GBP6: variants seen among roughly 807,000 people sequenced by gnomAD.
GBP6 encodes guanylate-binding protein 6.
A neutral mutation model predicts 61.5 loss-of-function variants in GBP6; 54 were observed. The ratio of observed to expected loss-of-function variants is 0.88; its 90% CI spans 0.71 to 1.10. GBP6 has a LOEUF of 1.10. Ranked by LOEUF, GBP6 falls within the 50% of genes least tolerant of loss-of-function variation. The pLI, the probability that GBP6 is intolerant of heterozygous loss-of-function variation, is 0.00. For missense variants in GBP6, 748 were observed against 752.8 expected (o/e 0.99, Z 0.07); for synonymous variants, 255 against 273.7 (o/e 0.93, Z 0.67).
intron 3 of GBP6, among the ~76,000 whole-genome samples, chr1:89,373,017 C>A (rs1652689750): frequency 6.6e-6 from 1 of 152,212 alleles, no homozygotes; most frequent in Non-Finnish European, 1.5e-5. Flanking sequence ...TATGAACAGA[C>A]ACTTCTCAAA....
At position 89,384,102 on chromosome 1, in the gene GBP6, C is replaced by G. The variant is rs1653066607; in HGVS notation, c.1478C>G (p.Ala493Gly). ...TACCTTCATGGAGCAGTGGATCGGG[C>G]CAAGAAGGAGGCAGCTGAGAAGGAA... The part of the protein sequence containing the change: ...DREKAVAVDR[A>G]KKEAAEKEQE... The change falls in exon 10 of 11, where the codon GCC (alanine) becomes GGC (glycine). Residue 493 changes from alanine to glycine, a missense_variant. Physicochemically the swap from Ala to Gly is moderately conservative, Grantham distance 60. Transcript: ENST00000370456. 6.2e-7 allele frequency: 1 copy of G among 1,610,790 alleles called. No homozygotes were observed. Among genetic ancestry groups the G allele is most frequent in the Non-Finnish European group, 8.5e-7 (1 of 1,178,736 alleles).
rs543651691 is a variant in GBP6, at chr1:89,378,197, C to A, written c.413C>A (p.Ala138Asp). The A allele has an allele frequency of 1.7e-5, 28 of 1,610,570 alleles. No individual in the cohort carries two copies. The highest frequency in any genetic ancestry group is 1.9e-5 in the Non-Finnish European group (22 of 1,179,270). The change falls in exon 4 of 11, where the codon GCC becomes GAC. Residue 138 changes from alanine (A) to aspartate (D), a missense_variant. Physicochemically the swap from Ala to Asp is moderately radical, Grantham distance 126. Coordinates refer to ENST00000370456, the MANE Select transcript of GBP6 (RefSeq NM_198460.3). The stretch of plus-strand genomic sequence containing the variant: ...AGCATGAGCACCATCAACCACCAGG[C>A]CCTGGAGCAGCTGCAGTATCCTTCC... ...YNSMSTINHQALEQLHYVTEL... is the reference protein window; with the variant it reads ...YNSMSTINHQDLEQLHYVTEL...
At chr1:89,373,083 A>G (rs982932667) in intron 3 of GBP6, among the ~76,000 whole-genome samples, 20 of 152,236 alleles carry the variant, frequency 1.3e-4, no homozygotes, top group African/African-American at 4.8e-4. Context: ...ATCACTGGCC[A>G]TCAGAGAAAT....
At chr1:89,380,740 C>T in intron 6 of GBP6, 109 bp downstream of exon 6, 1 of 914,230 alleles carries the variant, frequency 1.1e-6, no homozygotes, top group Non-Finnish European at 1.7e-6. Flanking sequence ...TACGTGTATA[C>T]AGGTATTCAC....
Position 89,383,607 on chromosome 1 carries a change from CATAG to C in GBP6, c.1366-42_1366-39del, listed in dbSNP as rs750503941. Reference sequence around the variant, plus strand: ...GTTCTTGCAACACTAATACCCAGAACATAGATTTTCAAAGAAATCTAAGTGCTTT... The same window carrying C: ...GTTCTTGCAACACTAATACCCAGAACATTTTCAAAGAAATCTAAGTGCTTT... On this transcript the variant is annotated intron_variant, in intron 8 of 10. Transcript: ENST00000370456. The C allele has an allele frequency of 7.4e-6, 10 of 1,350,928 alleles. No individual in the cohort carries two copies. The South Asian group carries it at 1.2e-4, about 16-fold the overall frequency. 83.7% of individuals were successfully genotyped at this position (1,350,928 alleles called of 1,614,324 possible). A position where few individuals can be genotyped will look rare whatever the true frequency, so the allele number is the denominator to read the frequency against.
Position 89,378,420 on chromosome 1 carries a change from T to C in GBP6, c.432T>C (p.Tyr144=). ...CTTTTCCTTACCTAAGTCCTAGTTA[T>C]GTGACGGAGCTCACAGAACTAATTA... The part of the protein sequence containing the change: ...INHQALEQLH[Y]VTELTELIKA... The change falls in exon 5 of 11, where the codon TAT becomes TAC. Residue 144 remains tyrosine (Y), a synonymous_variant. Coordinates refer to ENST00000370456, the MANE Select transcript of GBP6 (RefSeq NM_198460.3). The C allele has an allele frequency of 1.2e-6, 2 of 1,613,034 alleles. No homozygotes were observed. The highest frequency in any genetic ancestry group is 1.1e-5 in the South Asian group (1 of 90,798).
rs1188615279 is a variant in GBP6, at chr1:89,380,501, C to A, written c.741C>A (p.Ala247=). 6.2e-7 allele frequency: 1 copy of A among 1,613,888 alleles called. No individual in the cohort carries two copies. The highest frequency in any genetic ancestry group is 8.5e-7 in the Non-Finnish European group (1 of 1,179,996). The change falls in exon 6 of 11, where the codon GCC becomes GCA. Residue 247 remains alanine (A), a synonymous_variant. Coordinates refer to ENST00000370456, the MANE Select transcript of GBP6 (RefSeq NM_198460.3). ...CAACAAATGACAAAGACCTTCTAGC[C>A]AATATTGAGAAGGTGTCAGAAAAGC... The part of the protein sequence containing the change: ...DRPTNDKDLL[A]NIEKVSEKQL...
chr1:89,372,300 A>AT (rs914966164), intron 3 of GBP6, among the ~76,000 whole-genome samples: 1 of 122,282 alleles, frequency 8.2e-6, no homozygotes, highest in Admixed American at 9.3e-5. Context: ...TCTTCAGAGA[A>AT]TTGGAAAAAC....
At chr1:89,382,936 C>A in intron 8 of GBP6, 60 bp downstream of exon 8, 1 of 1,104,420 alleles carries the variant, frequency 9.1e-7, no homozygotes, top group Non-Finnish European at 1.4e-6. Context: ...GTCTTCAGCA[C>A]CAGCCGTGGG....
At chr1:89,376,121 G>A (rs1163649552) in intron 3 of GBP6, among the ~76,000 whole-genome samples, 1 of 152,152 alleles carries the variant, frequency 6.6e-6, no homozygotes, top group African/African-American at 2.4e-5. Context: ...TGTTGCCAAT[G>A]ACAGGATTTC....
intron 2 of GBP6, 146 bp downstream of exon 2, chr1:89,368,887 C>A: frequency 1.5e-6 from 1 of 657,472 alleles, no homozygotes; most frequent in Non-Finnish European, 2.5e-6. Flanking sequence ...CACCAAACCA[C>A]TACCTTACGA....
At chr1:89,378,259 A>G in intron 4 of GBP6, 47 bp downstream of exon 4, 1 of 1,577,734 alleles carries the variant, frequency 6.3e-7, no homozygotes, top group Non-Finnish European at 8.6e-7. Flanking sequence ...CATTGACTTT[A>G]TAGGAATGGA....
Position 89,387,218 on chromosome 1 carries a change from C to G in GBP6, c.*1749C>G, listed in dbSNP as rs573314875. ...CCTAGGAAACGTCTGGAGCCATTTA[C>G]TAGATATCCATATACTAGGGAAATA... On this transcript the variant is annotated 3_prime_UTR_variant, in exon 11 of 11. Coordinates refer to ENST00000370456, the MANE Select transcript of GBP6 (RefSeq NM_198460.3). Among the ~76,000 whole-genome samples, 15 of 152,218 alleles carry G rather than the reference C, an allele frequency of 9.9e-5. No homozygotes were observed. The highest frequency in any genetic ancestry group is 3.1e-4 in the African/African-American group (13 of 41,550).
At chr1:89,378,381 T>C (rs368848421) in intron 4 of GBP6, 36 bp from the exon 5 acceptor site, 1 of 1,587,680 alleles carries the variant, frequency 6.3e-7, no homozygotes, top group African/African-American at 1.4e-5. Flanking sequence ...GTGTGAATTG[T>C]GGGCAGACAG....
Position 89,378,538 on chromosome 1 carries a change from A to G in GBP6, c.550A>G (p.Thr184Ala). Reference protein sequence around the residue: ...PDFLWTVRDFTLELKLNGHPI... With the variant: ...PDFLWTVRDFALELKLNGHPI... Reference sequence around the variant, plus strand: ...CTTTCTTTGGACAGTACGGGATTTCACTCTGGAGCTGAAGTTGAACGGTCA... The same window carrying G: ...CTTTCTTTGGACAGTACGGGATTTCGCTCTGGAGCTGAAGTTGAACGGTCA... The change falls in exon 5 of 11, where the codon ACT becomes GCT. Residue 184 changes from threonine (T) to alanine (A), a missense_variant. Physicochemically the swap from Thr to Ala is moderately conservative, Grantham distance 58. Transcript: ENST00000370456. 6.2e-7 allele frequency: 1 copy of G among 1,613,942 alleles called. No homozygotes were observed. The highest frequency in any genetic ancestry group is 1.6e-4 in the Middle Eastern group (1 of 6,062).
Position 89,378,162 on chromosome 1 carries a change from T to C in GBP6, c.378T>C (p.Phe126=). The C allele has an allele frequency of 6.2e-7, 1 of 1,613,160 alleles. No individual in the cohort carries two copies. The highest frequency in any genetic ancestry group is 8.5e-7 in the Non-Finnish European group (1 of 1,179,772). Residue 126 remains phenylalanine, a synonymous_variant, in exon 4 of 11, where the codon TTT becomes TTC. Coordinates refer to ENST00000370456, the MANE Select transcript of GBP6 (RefSeq NM_198460.3). ...FALAVLLCST[F]VYNSMSTINH... ...TGGCTGTGCTCCTGTGCAGCACCTT[T>C]GTCTACAACAGCATGAGCACCATCA...
In GBP6 at chr1:89,368,706, C is replaced by A. The variant is rs1557536532; in HGVS notation, c.155C>A (p.Ser52Tyr). 2 of 1,613,584 alleles carry A rather than the reference C, an allele frequency of 1.2e-6. No individual in the cohort carries two copies. Among genetic ancestry groups the A allele is most frequent in the Non-Finnish European group, 1.7e-6 (2 of 1,179,622 alleles). Residue 52 changes from serine to tyrosine, a missense_variant, in exon 2 of 11, where the codon TCC becomes TAC. Transcript: ENST00000370456. Reference protein sequence around the residue: ...AIVGLYRTGKSYLMNHLAGQN... With the variant: ...AIVGLYRTGKYYLMNHLAGQN... ...GTAGGACTGTACCGTACAGGGAAAT[C>A]CTACTTGATGAACCATCTGGCAGGA... is the stretch of plus-strand genomic sequence containing the variant.
At chr1:89,365,620 C>T (rs181573277) in intron 1 of GBP6, among the ~76,000 whole-genome samples, 49 of 152,068 alleles carry the variant, frequency 3.2e-4, no homozygotes, top group Non-Finnish European at 6.3e-4. Context: ...TCTAATGGAC[C>T]AATTGTTATT....
At chr1:89,367,918 T>C (rs1436596215) in intron 1 of GBP6, among the ~76,000 whole-genome samples, 1 of 152,196 alleles carries the variant, frequency 6.6e-6, no homozygotes, top group African/African-American at 2.4e-5. Flanking sequence ...GCAAACAAAA[T>C]GCCATGAAAT....
Sources: gnomAD v4.1 joint callset for allele counts (sites outside exome capture counted in the v4.1 genomes callset) on GRCh38, gnomAD v4.1.1 for gene constraint, MANE v1.5 for transcripts, NCBI Gene and HGNC (gene_info 2026-07-23, HGNC 2026-07-21) for gene names.